ELP4: variants seen among roughly 807,000 people sequenced by gnomAD.
The protein encoded by ELP4 is elongator acetyltransferase complex subunit 4, also known as elongator complex protein 4.
A neutral mutation model predicts 48.9 loss-of-function variants in ELP4; 51 were observed. That is an observed-to-expected ratio of 1.04 (90% confidence interval 0.83 to 1.32). The LOEUF (loss-of-function observed/expected upper bound fraction) is 1.32, where lower values mean the gene tolerates loss of function less well. Among genes scored for constraint, ELP4 ranks in the 40% most tolerant of loss-of-function variants. The probability of loss-of-function intolerance (pLI) is 0.00; values close to 1 mark genes in which losing one functional copy is unlikely to be tolerated. For missense variants in ELP4, 519 were observed against 514.6 expected (o/e 1.01, Z -0.08); for synonymous variants, 210 against 189.2 (o/e 1.11, Z -0.90).
chr11:31,721,792 C>T lies in ELP4; in HGVS notation c.1144-61601C>T, dbSNP rs1037252469. ...AACGTTACCAAACTAAAAATGTGTACAATTCATAGGCTCCACGATACGTTT... is the reference window on the plus strand; with the variant it reads ...AACGTTACCAAACTAAAAATGTGTATAATTCATAGGCTCCACGATACGTTT... On this transcript the variant is annotated intron_variant, in intron 9 of 9. Transcript: ENST00000640961. 5.3e-5 allele frequency among the ~76,000 whole-genome samples: 8 copies of T among 152,274 alleles called. 1 individual carries two copies. The South Asian group carries it at 1.4e-3, about 28-fold the overall frequency.
At chr11:31,669,355 A>G (rs1274587147) in intron 9 of ELP4, among the ~76,000 whole-genome samples, 1 of 152,128 alleles carries the variant, frequency 6.6e-6, no homozygotes, top group African/African-American at 2.4e-5. Context: ...TGCTGGGATT[A>G]CAGGCATGAG....
intron 9 of ELP4, among the ~76,000 whole-genome samples, chr11:31,657,007 A>C (rs551708044): frequency 6.6e-6 from 1 of 152,176 alleles, no homozygotes; most frequent in Non-Finnish European, 1.5e-5. Flanking sequence ...GAAAATGATG[A>C]CAAATCACAG....
intron 9 of ELP4, among the ~76,000 whole-genome samples, chr11:31,782,369 G>A (rs948622685): frequency 2.6e-5 from 4 of 152,098 alleles, no homozygotes; most frequent in African/African-American, 9.7e-5. Flanking sequence ...CAGCTAGGTT[G>A]TCTCCAGGTC....
At chr11:31,625,344 C>T (rs776204343) in intron 5 of ELP4, among the ~76,000 whole-genome samples, 1 of 151,680 alleles carries the variant, frequency 6.6e-6, no homozygotes, top group Non-Finnish European at 1.5e-5. Context: ...ATGTTGAAAA[C>T]ATATTTACAC....
At chr11:31,731,502 TCAGAGAAGCAAAAAGAAAAA>T (rs1005185490) in intron 9 of ELP4, among the ~76,000 whole-genome samples, 4 of 149,448 alleles carry the variant, frequency 2.7e-5, no homozygotes, top group African/African-American at 9.9e-5. Context: ...AATTATCCCG[TCAGAGAAGCAAAAAGAAAAA>T]AAGAATGAAG....
intron 1 of ELP4, among the ~76,000 whole-genome samples, chr11:31,514,374 C>T (rs775854825): frequency 5.4e-4 from 82 of 152,022 alleles, no homozygotes; most frequent in Non-Finnish European, 6.3e-4. Flanking sequence ...GGGGAGAAGC[C>T]CTGAGCCTGG....
At chr11:31,582,315 A>AT (rs1385896757) in intron 3 of ELP4, among the ~76,000 whole-genome samples, 4 of 152,124 alleles carry the variant, frequency 2.6e-5, no homozygotes, top group African/African-American at 9.7e-5. Context: ...TACTAACTAT[A>AT]TTTTTTTAAA....
rs376094907 is a variant in ELP4 at position 31,725,287 on chromosome 11, G to A, written c.1144-58106G>A. Among the ~76,000 whole-genome samples, 37 of 152,264 alleles carry A rather than the reference G, an allele frequency of 2.4e-4. No homozygotes were observed. The South Asian group carries it at 6.8e-3, about 28-fold the overall frequency. On this transcript the variant is annotated intron_variant, in intron 9 of 9. Coordinates refer to ENST00000640961, the MANE Select transcript of ELP4 (RefSeq NM_019040.5). Reference sequence around the variant, plus strand: ...CTGCCCACAGTGGTGTGCCTCACCAGCCTCTTGCTGATGGATTCCCCTTGC... The same window carrying A: ...CTGCCCACAGTGGTGTGCCTCACCAACCTCTTGCTGATGGATTCCCCTTGC...
intron 9 of ELP4, among the ~76,000 whole-genome samples, chr11:31,751,113 A>G (rs1947709468): frequency 6.6e-6 from 1 of 152,220 alleles, no homozygotes; most frequent in Non-Finnish European, 1.5e-5. Flanking sequence ...AGTACATACA[A>G]TACACATTCT....
At position 31,647,884 on chromosome 11, in the gene ELP4, C is replaced by T. The variant is rs772820950; in HGVS notation, c.1036+35C>T. The T allele has an allele frequency of 1.7e-5, 22 of 1,285,762 alleles. No individual in the cohort carries two copies. The East Asian group carries it at 4.2e-4, about 25-fold the overall frequency. 79.6% of individuals were successfully genotyped at this position (1,285,762 alleles called of 1,614,324 possible). ...ACCTTCATAATGAGAAGAGCAGGAG[C>T]AGGCTGCTTCTAGGTTACCTGGAAG... is the stretch of plus-strand genomic sequence containing the variant. On this transcript the variant is annotated intron_variant, in intron 8 of 9. Coordinates refer to ENST00000640961, the MANE Select transcript of ELP4 (RefSeq NM_019040.5).
chr11:31,625,101 C>T (rs1944711609), intron 5 of ELP4, among the ~76,000 whole-genome samples: 1 of 151,050 alleles, frequency 6.6e-6, no homozygotes. Context: ...GTAAAGTAAT[C>T]ATTTATTATT....
At chr11:31,658,784 A>T (rs1945492157) in intron 9 of ELP4, among the ~76,000 whole-genome samples, 1 of 152,026 alleles carries the variant, frequency 6.6e-6, no homozygotes, top group African/African-American at 2.4e-5. Flanking sequence ...CAAGGTATAT[A>T]CAACTTTTAA....
At chr11:31,569,374 C>T (rs895256399) in intron 3 of ELP4, among the ~76,000 whole-genome samples, 1 of 152,112 alleles carries the variant, frequency 6.6e-6, no homozygotes, top group Non-Finnish European at 1.5e-5. Flanking sequence ...ATACCCAGAT[C>T]CTATAAGAAA....
At chr11:31,560,752 A>G (rs370733432) in intron 3 of ELP4, among the ~76,000 whole-genome samples, 1 of 151,282 alleles carries the variant, frequency 6.6e-6, no homozygotes, top group Non-Finnish European at 1.5e-5. Flanking sequence ...TTGTATATAT[A>G]TACGTACAGT....
intron 9 of ELP4, among the ~76,000 whole-genome samples, chr11:31,735,485 C>A (rs971825859): frequency 8.5e-5 from 13 of 152,126 alleles, no homozygotes; most frequent in Admixed American, 7.9e-4. Flanking sequence ...GGCAATCAGG[C>A]AAGAGAAGGA....
At chr11:31,636,381 T>G (rs1047888806) in intron 7 of ELP4, among the ~76,000 whole-genome samples, 8 of 151,812 alleles carry the variant, frequency 5.3e-5, no homozygotes, top group African/African-American at 1.9e-4. Context: ...GTGCATTATA[T>G]AAATTAATAT....
intron 1 of ELP4, among the ~76,000 whole-genome samples, chr11:31,513,926 C>A (rs1268541447): frequency 1.3e-5 from 2 of 152,192 alleles, no homozygotes; most frequent in Non-Finnish European, 2.9e-5. Flanking sequence ...TATGTGAAAT[C>A]TTGATGAAAT....
At chr11:31,666,548 C>T (rs978828805) in intron 9 of ELP4, among the ~76,000 whole-genome samples, 5 of 151,752 alleles carry the variant, frequency 3.3e-5, no homozygotes, top group African/African-American at 4.8e-5. Context: ...AAAAATTAGC[C>T]GGGTGTGGTG....
At chr11:31,657,501 G>A (rs1945461703) in intron 9 of ELP4, among the ~76,000 whole-genome samples, 3 of 152,154 alleles carry the variant, frequency 2.0e-5, no homozygotes, top group Middle Eastern at 3.4e-3. Flanking sequence ...TCCTGAGTAT[G>A]TGTAATAGGT....
Sources: allele counts gnomAD v4.1 joint callset (sites outside exome capture counted in the v4.1 genomes callset), GRCh38; gene constraint gnomAD v4.1.1; transcripts MANE v1.5; gene names NCBI Gene and HGNC (gene_info 2026-07-23, HGNC 2026-07-21).